The following DCDC2C variants were observed in gnomAD, a reference collection of about 807,000 sequenced individuals.
DCDC2C encodes the protein doublecortin domain containing 2C.
DCDC2C carries 44 observed loss-of-function variants against 45.0 expected under a neutral mutation model. That is an observed-to-expected ratio of 0.98 (90% CI 0.77 to 1.26). DCDC2C has a LOEUF of 1.26. Ranked by LOEUF, DCDC2C falls within the 50% of genes most tolerant of loss-of-function variation. The probability of loss-of-function intolerance (pLI) is 0.00; values close to 1 mark genes in which losing one functional copy is unlikely to be tolerated. For missense variants in DCDC2C, 447 were observed against 468.9 expected, an observed-to-expected ratio of 0.95 and a Z score of 0.43; for synonymous variants, 187 against 178.8, an observed-to-expected ratio of 1.05 and a Z score of -0.37.
intron 5 of DCDC2C, among the ~76,000 whole-genome samples, chr2:3,753,441 C>T (rs887558420): frequency 1.1e-4 from 16 of 152,146 alleles, no homozygotes; most frequent in Non-Finnish European, 2.2e-4. Context: ...GGTTCCGAAG[C>T]CCATCTGTGG....
chr2:3,782,043 A>G (rs1670523139), intron 9 of DCDC2C, among the ~76,000 whole-genome samples: 1 of 152,208 alleles, frequency 6.6e-6, no homozygotes, highest in African/African-American at 2.4e-5. Context: ...CGTGTTGCAC[A>G]GTCACGGCTA....
At chr2:3,782,385 C>A (rs772659367) in intron 9 of DCDC2C, among the ~76,000 whole-genome samples, 23 of 152,150 alleles carry the variant, frequency 1.5e-4, no homozygotes, top group Non-Finnish European at 2.9e-4. Context: ...ATTATACAAT[C>A]ACTACAATTC....
chr2:3,740,535 CT>C (rs1669173442), intron 3 of DCDC2C, among the ~76,000 whole-genome samples: 1 of 152,176 alleles, frequency 6.6e-6, no homozygotes, highest in African/African-American at 2.4e-5. Flanking sequence ...ACATTGATTA[CT>C]TTTATTCCTA....
chr2:3,788,528 G>T (rs1572618465), intron 10 of DCDC2C: 1 of 151,894 alleles, frequency 6.6e-6, no homozygotes, highest in Admixed American at 6.6e-5. Flanking sequence ...CCCCCCAAAG[G>T]CTTCAGAAAT....
At chr2:3,790,969 G>A (rs1558229385) in intron 10 of DCDC2C, among the ~76,000 whole-genome samples, 1 of 152,082 alleles carries the variant, frequency 6.6e-6, no homozygotes, top group Non-Finnish European at 1.5e-5. Context: ...AATGAGCCAG[G>A]CGTGGTGGTG....
chr2:3,774,640 G>T (rs74747535), intron 8 of DCDC2C, among the ~76,000 whole-genome samples: 13,010 of 152,262 alleles, frequency 0.085, 693 homozygotes, highest in East Asian at 0.24. Context: ...TGCCTCTCTT[G>T]TCCCTAGCCA....
At chr2:3,719,087 T>C (rs1668424821) in intron 2 of DCDC2C, among the ~76,000 whole-genome samples, 1 of 151,628 alleles carries the variant, frequency 6.6e-6, no homozygotes, top group Admixed American at 6.6e-5. Context: ...GGTGCAGCTG[T>C]TTCCTTTTTT....
chr2:3,732,385 T>C (rs1234251248), intron 3 of DCDC2C, among the ~76,000 whole-genome samples: 1 of 152,128 alleles, frequency 6.6e-6, no homozygotes, highest in Non-Finnish European at 1.5e-5. Flanking sequence ...TTGAGATCTC[T>C]GGTTGGAGTG....
In DCDC2C at chr2:3,752,794, G is replaced by T; in HGVS notation, c.577G>T (p.Asp193Tyr). Residue 193 changes from aspartate to tyrosine, a missense_variant, in exon 5 of 11, where the codon GAC becomes TAC. Transcript: ENST00000399143. ...LFTMNGHLLG[D>Y]SKDLQDNHFY... ...TACAATGAATGGGCATCTTTTGGGC[G>T]ACTCAAAGGATTTGCAAGACAATCA... 1.9e-6 allele frequency: 3 copies of T among 1,550,392 alleles called. No individual in the cohort carries two copies. Among genetic ancestry groups the T allele is most frequent in the South Asian group, 1.2e-5 (1 of 84,042 alleles).
intron 4 of DCDC2C, 32 bp from the exon 5 acceptor site, chr2:3,752,729 GTC>G (rs1406993719): frequency 1.9e-6 from 3 of 1,549,628 alleles, no homozygotes; most frequent in Admixed American, 3.9e-5. Flanking sequence ...TGGTCCTCAA[GTC>G]TCTATCTCAT....
intron 10 of DCDC2C, among the ~76,000 whole-genome samples, chr2:3,834,333 C>T (rs867681422): frequency 3.9e-5 from 6 of 152,308 alleles, no homozygotes; most frequent in Middle Eastern, 3.4e-3. Context: ...CTAAAAATCC[C>T]GTGTCCCCCC....
At chr2:3,743,586 A>G (rs560231111) in intron 4 of DCDC2C, among the ~76,000 whole-genome samples, 1 of 152,222 alleles carries the variant, frequency 6.6e-6, no homozygotes, top group African/African-American at 2.4e-5. Flanking sequence ...GAAATCAGTA[A>G]TAGGAGGAAA....
intron 10 of DCDC2C, among the ~76,000 whole-genome samples, chr2:3,828,976 G>T (rs1204629458): frequency 6.6e-6 from 1 of 152,018 alleles, no homozygotes; most frequent in Non-Finnish European, 1.5e-5. Flanking sequence ...GGAAGCGGAG[G>T]GGTATTCAAA....
intron 9 of DCDC2C, among the ~76,000 whole-genome samples, chr2:3,779,689 G>A (rs749227957): frequency 6.6e-6 from 1 of 152,140 alleles, no homozygotes; most frequent in Non-Finnish European, 1.5e-5. Flanking sequence ...ATGAGCTCCC[G>A]GATTCATTAA....
At chr2:3,807,249 T>A (rs930000003) in intron 10 of DCDC2C, among the ~76,000 whole-genome samples, 4 of 152,190 alleles carry the variant, frequency 2.6e-5, no homozygotes, top group Admixed American at 2.0e-4. Flanking sequence ...ATTTCCCCCC[T>A]TGCCTTTCTA....
At chr2:3,762,419 G>A (rs111853816) in intron 6 of DCDC2C, among the ~76,000 whole-genome samples, 2,766 of 152,244 alleles carry the variant, frequency 0.018, 87 homozygotes, top group African/African-American at 0.063. Flanking sequence ...AGAAATATAG[G>A]AGACTAGGGA....
chr2:3,787,398 CT>C (rs1290721853), intron 10 of DCDC2C, among the ~76,000 whole-genome samples: 8 of 152,242 alleles, frequency 5.3e-5, no homozygotes, highest in Non-Finnish European at 1.0e-4. Context: ...TTAAAAGTGC[CT>C]TTTCCTTACT....
intron 10 of DCDC2C, among the ~76,000 whole-genome samples, chr2:3,834,088 TC>T (rs771772822): frequency 2.8e-5 from 3 of 107,548 alleles, no homozygotes; most frequent in Non-Finnish European, 6.1e-5. Flanking sequence ...TTACTCCCCC[TC>T]CTGCCCCCCC....
At chr2:3,810,382 A>G (rs1671365722) in intron 10 of DCDC2C, among the ~76,000 whole-genome samples, 1 of 152,180 alleles carries the variant, frequency 6.6e-6, no homozygotes, top group South Asian at 2.1e-4. Flanking sequence ...TTAGCCACAT[A>G]AATGTCTTTC....
Sources: allele counts gnomAD v4.1 joint callset (sites outside exome capture counted in the v4.1 genomes callset), GRCh38; gene constraint gnomAD v4.1.1; transcripts MANE v1.5; gene names NCBI Gene and HGNC (gene_info 2026-07-23, HGNC 2026-07-21).